Variants in MRPL48 observed in about 807,000 individuals in gnomAD.
MRPL48 encodes large ribosomal subunit protein mL48.
Under a neutral mutation model 32.9 loss-of-function variants are expected in MRPL48, and 16 were observed. The ratio of observed to expected loss-of-function variants is 0.49; its 90% CI spans 0.33 to 0.74. The LOEUF is 0.74. Among genes scored for constraint, MRPL48 ranks in the 30% least tolerant of loss-of-function variants. The probability of loss-of-function intolerance (pLI) is 0.02; values close to 1 mark genes in which losing one functional copy is unlikely to be tolerated. For missense variants in MRPL48, 206 were observed against 245.3 expected (o/e 0.84, Z 1.07); for synonymous variants, 94 against 89.2 (o/e 1.05, Z -0.31).
intron 1 of MRPL48, among the ~76,000 whole-genome samples, chr11:73,797,988 C>G (rs1311307729): frequency 6.6e-6 from 1 of 152,204 alleles, no homozygotes; most frequent in East Asian, 1.9e-4. Flanking sequence ...GTGCTCCTAA[C>G]AGCCATAAGG....
intron 1 of MRPL48, among the ~76,000 whole-genome samples, chr11:73,801,153 C>A (rs1018868134): frequency 1.3e-5 from 2 of 152,122 alleles, no homozygotes; most frequent in Non-Finnish European, 2.9e-5. Context: ...ATAATTAAAA[C>A]CTTGGTTATT....
intron 3 of MRPL48, among the ~76,000 whole-genome samples, chr11:73,818,238 C>T (rs1947711216): frequency 6.6e-6 from 1 of 152,164 alleles, no homozygotes; most frequent in African/African-American, 2.4e-5. Context: ...GGGACCATTC[C>T]AGCTGCTCTA....
At chr11:73,846,478 C>A (rs1948289544) in intron 5 of MRPL48, among the ~76,000 whole-genome samples, 2 of 152,062 alleles carry the variant, frequency 1.3e-5, no homozygotes, top group Middle Eastern at 6.8e-3. Context: ...GCCTCAGCCT[C>A]CCAAGTAGCT....
chr11:73,806,848 G>A (rs1211175186), intron 2 of MRPL48, among the ~76,000 whole-genome samples: 3 of 151,536 alleles, frequency 2.0e-5, no homozygotes, highest in Admixed American at 6.6e-5. Context: ...ACTGTTCTGT[G>A]TATAGATTGC....
At chr11:73,817,391 A>C (rs956414511) in intron 3 of MRPL48, among the ~76,000 whole-genome samples, 1 of 152,220 alleles carries the variant, frequency 6.6e-6, no homozygotes, top group Non-Finnish European at 1.5e-5. Flanking sequence ...GGTCAAAGGA[A>C]ATACACATTT....
At chr11:73,838,399 A>G (rs894517401) in intron 4 of MRPL48, among the ~76,000 whole-genome samples, 2 of 152,198 alleles carry the variant, frequency 1.3e-5, no homozygotes, top group African/African-American at 2.4e-5. Context: ...CTAGGCCAAC[A>G]TGGGAAAGCA....
intron 4 of MRPL48, among the ~76,000 whole-genome samples, chr11:73,830,362 A>G (rs1342690547): frequency 6.6e-6 from 1 of 152,148 alleles, no homozygotes; most frequent in African/African-American, 2.4e-5. Flanking sequence ...GATGTTATTC[A>G]GTGTCCCAGG....
At position 73,825,803 on chromosome 11, in the gene MRPL48, G is replaced by T; in HGVS notation, c.201+7G>T. ...CTTAATTAAAGCAGAAGAGGTAACG[G>T]GCAGGGGGAGTCTTTTGGAAAAGGA... On this transcript the variant is annotated splice_region_variant and intron_variant, in intron 4 of 7. Coordinates refer to ENST00000310614, the MANE Select transcript of MRPL48 (RefSeq NM_016055.6). 6.4e-7 allele frequency: 1 copy of T among 1,555,192 alleles called. No homozygotes were observed. Among genetic ancestry groups the T allele is most frequent in the South Asian group, 1.2e-5 (1 of 84,120 alleles).
In MRPL48 at chr11:73,844,818, G is replaced by C. The variant is rs760243816; in HGVS notation, c.213G>C (p.Lys71Asn). 29 of 1,612,814 alleles carry C rather than the reference G, an allele frequency of 1.8e-5. No individual in the cohort carries two copies. Among genetic ancestry groups the C allele is most frequent in the Non-Finnish European group, 2.3e-5 (27 of 1,179,678 alleles). The change falls in exon 5 of 8, where the codon AAG becomes AAC. Residue 71 changes from lysine (K) to asparagine (N), a missense_variant. Transcript: ENST00000310614. ...TGTTTTCTCTTCAGCCCAAGAAGAA[G>C]AAGGGAAAAGTGGAAGTGAGAGCCA... ...HLIKAEEPKK[K>N]KGKVEVRAIN...
At chr11:73,815,183 A>G (rs1377873056) in intron 3 of MRPL48, among the ~76,000 whole-genome samples, 1 of 151,948 alleles carries the variant, frequency 6.6e-6, no homozygotes, top group Non-Finnish European at 1.5e-5. Flanking sequence ...TGGAAGTTCA[A>G]GATAGGTGGA....
At chr11:73,820,625 C>G (rs957554745) in intron 3 of MRPL48, among the ~76,000 whole-genome samples, 3 of 152,094 alleles carry the variant, frequency 2.0e-5, no homozygotes, top group African/African-American at 7.2e-5. Context: ...TACATTAGGG[C>G]CTTTACACAT....
At chr11:73,809,212 C>G (rs1947521912) in intron 3 of MRPL48, among the ~76,000 whole-genome samples, 1 of 136,264 alleles carries the variant, frequency 7.3e-6, no homozygotes, top group East Asian at 2.1e-4. Context: ...TTCAGTGAGA[C>G]AAAAGATATA....
intron 1 of MRPL48, among the ~76,000 whole-genome samples, chr11:73,795,567 C>T (rs926513658): frequency 4.0e-5 from 6 of 151,384 alleles, no homozygotes; most frequent in South Asian, 2.1e-4. Flanking sequence ...AGTACAGTGG[C>T]GCGATCTCCG....
At chr11:73,827,685 A>G (rs952146742) in intron 4 of MRPL48, among the ~76,000 whole-genome samples, 1 of 152,028 alleles carries the variant, frequency 6.6e-6, no homozygotes, top group African/African-American at 2.4e-5. Flanking sequence ...CATATTTCCT[A>G]TTTACCTCTC....
rs374438678 is a variant in MRPL48 at position 73,835,266 on chromosome 11, T to C, written c.201+9470T>C. 2.0e-4 allele frequency among the ~76,000 whole-genome samples: 30 copies of C among 150,842 alleles called. 1 individual carries two copies. The East Asian group carries it at 5.6e-3, about 28-fold the overall frequency. On this transcript the variant is annotated intron_variant, in intron 4 of 7. Transcript: ENST00000310614. ...AAGCGATTCTCTTGCCTCAGCCTCCTGAGTAGCTGGGATTACAGGCACGTG... is the reference window on the plus strand; with the variant it reads ...AAGCGATTCTCTTGCCTCAGCCTCCCGAGTAGCTGGGATTACAGGCACGTG...
At chr11:73,804,362 C>T (rs915368692) in intron 1 of MRPL48, among the ~76,000 whole-genome samples, 25 of 151,922 alleles carry the variant, frequency 1.6e-4, no homozygotes, top group South Asian at 6.2e-4. Flanking sequence ...CTGCAACCTC[C>T]GCCTCCTGGG....
At chr11:73,840,323 T>C (rs1355243823) in intron 4 of MRPL48, among the ~76,000 whole-genome samples, 1 of 152,048 alleles carries the variant, frequency 6.6e-6, no homozygotes, top group Non-Finnish European at 1.5e-5. Context: ...AAAAACCTTG[T>C]CTCTATAAAA....
At chr11:73,803,842 C>T (rs1012030357) in intron 1 of MRPL48, among the ~76,000 whole-genome samples, 19 of 152,138 alleles carry the variant, frequency 1.2e-4, no homozygotes, top group African/African-American at 4.6e-4. Context: ...GCTGCAGTTG[C>T]TATCATTATA....
intron 3 of MRPL48, among the ~76,000 whole-genome samples, chr11:73,816,283 G>A (rs1590954501): frequency 6.7e-6 from 1 of 148,864 alleles, no homozygotes; most frequent in South Asian, 2.1e-4. Flanking sequence ...GGATGGTCTC[G>A]ATCTCCTGAC....
Sources: allele counts gnomAD v4.1 joint callset (sites outside exome capture counted in the v4.1 genomes callset), GRCh38; gene constraint gnomAD v4.1.1; transcripts MANE v1.5; gene names NCBI Gene and HGNC (gene_info 2026-07-23, HGNC 2026-07-21).